The following CPNE9 variants were observed in gnomAD, a reference collection of about 807,000 sequenced individuals.
CPNE9 encodes the protein copine family member 9.
Under a neutral mutation model 83.0 loss-of-function variants are expected in CPNE9, and 59 were observed. The ratio of observed to expected loss-of-function variants is 0.71; its 90% confidence interval spans 0.58 to 0.88. CPNE9 has a LOEUF of 0.88. CPNE9 is among the 40% of genes least tolerant of loss of function. The pLI is 0.00. For synonymous variants in CPNE9, 256 were observed against 273.4 expected (o/e 0.94, Z 0.63); for missense variants, 619 against 720.8 (o/e 0.86, Z 1.62).
chr3:9,706,075 A>G lies in CPNE9; in HGVS notation c.377+12A>G, dbSNP rs201960457. 2.7e-5 allele frequency: 43 copies of G among 1,612,476 alleles called. No homozygotes were observed. The African/African-American group carries it at 5.3e-4, about 20-fold the overall frequency. On this transcript the variant is annotated intron_variant, in intron 7 of 20. Coordinates refer to ENST00000383832, the MANE Select transcript of CPNE9 (RefSeq NM_153635.3). The stretch of plus-strand genomic sequence containing the variant: ...GAGCGAACCCTCACGTAAGCTGAAT[A>G]GGAAGGGGTGTGGGAGTGGGGTGGG...
At chr3:9,705,870 C>T (rs878982625) in intron 6 of CPNE9, 117 bp from the exon 7 acceptor site, 2 of 1,364,508 alleles carry the variant, frequency 1.5e-6, no homozygotes, top group Non-Finnish European at 2.1e-6. Flanking sequence ...GGCCGTGGCT[C>T]TTGCACCACT....
At position 9,706,070 on chromosome 3, in the gene CPNE9, T is replaced by G; in HGVS notation, c.377+7T>G. 4 of 1,612,932 alleles carry G rather than the reference T, an allele frequency of 2.5e-6. No homozygotes were observed. Among genetic ancestry groups the G allele is most frequent in the Non-Finnish European group, 3.4e-6 (4 of 1,179,806 alleles). Reference sequence around the variant, plus strand: ...GAGTAGAGCGAACCCTCACGTAAGCTGAATAGGAAGGGGTGTGGGAGTGGG... The same window carrying G: ...GAGTAGAGCGAACCCTCACGTAAGCGGAATAGGAAGGGGTGTGGGAGTGGG... On this transcript the variant is annotated splice_region_variant and intron_variant, in intron 7 of 20. Transcript: ENST00000383832.
chr3:9,704,844 C>A lies in CPNE9; in HGVS notation c.157-47C>A. 6.2e-7 allele frequency: 1 copy of A among 1,603,152 alleles called. No individual in the cohort carries two copies. Among genetic ancestry groups the A allele is most frequent in the Non-Finnish European group, 8.5e-7 (1 of 1,173,686 alleles). Reference sequence around the variant, plus strand: ...GCCCAGGGCGTCGCCCGGGAATTCCCCTGCCCGTCTGCACGTCCCACGCTG... The same window carrying A: ...GCCCAGGGCGTCGCCCGGGAATTCCACTGCCCGTCTGCACGTCCCACGCTG... On this transcript the variant is annotated intron_variant, in intron 3 of 20. Transcript: ENST00000383832. This position sits in a 1 kb window ranked among gnomAD's most constrained non-coding sequence, Gnocchi z 7.1.
chr3:9,721,805 G>A (rs2076736338), intron 17 of CPNE9, among the ~76,000 whole-genome samples: 1 of 152,190 alleles, frequency 6.6e-6, no homozygotes, highest in South Asian at 2.1e-4. Context: ...TCCAGCTTCA[G>A]GCTCAGCTGG....
intron 6 of CPNE9, 60 bp from the exon 7 acceptor site, chr3:9,705,927 G>T: frequency 1.3e-6 from 2 of 1,564,650 alleles, no homozygotes; most frequent in East Asian, 2.2e-5. Context: ...CATCACTGGG[G>T]CTAGGCTGGG....
Position 9,704,551 on chromosome 3 carries a change from G to T in CPNE9, c.69-36G>T. Reference sequence around the variant, plus strand: ...CCGACTCGAGGCGGGCGGACTCCAGGATGATCCACTCTGTCTGTCTGTTGC... The same window carrying T: ...CCGACTCGAGGCGGGCGGACTCCAGTATGATCCACTCTGTCTGTCTGTTGC... On this transcript the variant is annotated intron_variant, in intron 1 of 20. Transcript: ENST00000383832. The surrounding 1 kb of genome is among the most constrained non-coding windows in gnomAD (Gnocchi z 7.1). 2 of 1,594,006 alleles carry T rather than the reference G, an allele frequency of 1.3e-6. No individual in the cohort carries two copies. Among genetic ancestry groups the T allele is most frequent in the Non-Finnish European group, 1.7e-6 (2 of 1,161,728 alleles).
chr3:9,714,639 TAAAAAAAAAAAAAA>T (rs34491669), intron 10 of CPNE9, among the ~76,000 whole-genome samples: 6 of 103,350 alleles, frequency 5.8e-5, no homozygotes, highest in Non-Finnish European at 1.0e-4. Context: ...CTCAAAGTGG[TAAAAAAAAAAAAAA>T]AAAAAAAAAA....
Position 9,718,523 on chromosome 3 carries a change from G to A in CPNE9, c.1162G>A (p.Glu388Lys), listed in dbSNP as rs1575127692. Reference protein sequence around the residue: ...PNCAGIEGVLESYFQSLRTVQ... With the variant: ...PNCAGIEGVLKSYFQSLRTVQ... ...CTGTGCGGGCATCGAGGGTGTGCTG[G>A]AGAGCTATTTCCAGAGCCTGCGCAC... The change falls in exon 17 of 21, where the codon GAG (glutamate) becomes AAG (lysine). Residue 388 changes from glutamate (E) to lysine (K), a missense_variant. By Grantham distance (56) the Glu-to-Lys change is moderately conservative. Transcript: ENST00000383832. 6.2e-7 allele frequency: 1 copy of A among 1,613,692 alleles called. No individual in the cohort carries two copies. Among genetic ancestry groups the A allele is most frequent in the Non-Finnish European group, 8.5e-7 (1 of 1,179,980 alleles).
At chr3:9,725,640 G>GTATATA (rs2076772926) in intron 17 of CPNE9, among the ~76,000 whole-genome samples, 10 of 49,392 alleles carry the variant, frequency 2.0e-4, no homozygotes, top group Admixed American at 4.8e-4. Flanking sequence ...GTATATACAT[G>GTATATA]TATGTGTATA....
intron 4 of CPNE9, 150 bp downstream of exon 4, chr3:9,705,144 GC>G: frequency 1.5e-6 from 1 of 678,820 alleles, no homozygotes. Flanking sequence ...CCTGAGCCCT[GC>G]CCTTTTATGA....
chr3:9,717,201 ACCTAC>A (rs771133070), intron 15 of CPNE9, 97 bp downstream of exon 15: 4 of 1,359,192 alleles, frequency 2.9e-6, no homozygotes, highest in Non-Finnish European at 4.2e-6. Flanking sequence ...ATAAGAGTTT[ACCTAC>A]CCAAGAAGCC....
intron 7 of CPNE9, among the ~76,000 whole-genome samples, chr3:9,709,693 C>T (rs138307089): frequency 5.3e-5 from 8 of 151,896 alleles, no homozygotes; most frequent in African/African-American, 1.7e-4. Flanking sequence ...TAACATAAGG[C>T]TGGGTGAGGT....
chr3:9,718,630 A>C, intron 17 of CPNE9, 28 bp downstream of exon 17: 1 of 1,607,204 alleles, frequency 6.2e-7, no homozygotes, highest in Non-Finnish European at 8.5e-7. Flanking sequence ...AAGCTGGGGG[A>C]AATGAGGGGA....
chr3:9,726,860 C>T (rs1028529039), intron 19 of CPNE9, 138 bp downstream of exon 19: 1 of 824,792 alleles, frequency 1.2e-6, no homozygotes, highest in African/African-American at 1.7e-5. Flanking sequence ...CACAGACCTT[C>T]TCTGAACCTG....
At chr3:9,721,523 G>T (rs1310246588) in intron 17 of CPNE9, among the ~76,000 whole-genome samples, 1 of 152,182 alleles carries the variant, frequency 6.6e-6, no homozygotes, top group Non-Finnish European at 1.5e-5. Context: ...AGCCCATCTT[G>T]GTGGGTGGAG....
In CPNE9 at chr3:9,704,281, G is replaced by T. The variant is rs2076536948; in HGVS notation, c.68+217G>T. ...AAGGGCTCAGCCTGCGGGTTCAGGG[G>T]GTGGGTCGCAGATATCCGGTAGGAG... is the stretch of plus-strand genomic sequence containing the variant. On this transcript the variant is annotated intron_variant, in intron 1 of 20. Coordinates refer to ENST00000383832, the MANE Select transcript of CPNE9 (RefSeq NM_153635.3). The surrounding 1 kb of genome is among the most constrained non-coding windows in gnomAD (Gnocchi z 7.1). 6.6e-6 allele frequency among the ~76,000 whole-genome samples: 1 copy of T among 152,230 alleles called. No individual in the cohort carries two copies. Among genetic ancestry groups the T allele is most frequent in the Non-Finnish European group, 1.5e-5 (1 of 68,040 alleles).
chr3:9,728,757 C>G lies in CPNE9; in HGVS notation c.1477-750C>G, dbSNP rs138590438. 7.9e-5 allele frequency among the ~76,000 whole-genome samples: 12 copies of G among 151,862 alleles called. No individual in the cohort carries two copies. In the East Asian group the frequency reaches 2.3e-3, roughly 29 times the overall value. On this transcript the variant is annotated intron_variant, in intron 20 of 20. Transcript: ENST00000383832. ...TTTCTCCCTTATCAGCCCCTCTCCC[C>G]CCACATCTCATTTCTTCTCCTCTCC...
intron 20 of CPNE9, among the ~76,000 whole-genome samples, chr3:9,728,525 A>G (rs1255686139): frequency 2.0e-5 from 3 of 152,192 alleles, no homozygotes; most frequent in African/African-American, 7.2e-5. Context: ...TGGGAGGCTG[A>G]GGCAGGAGAA....
At chr3:9,712,903 CTG>C (rs1456572308) in intron 9 of CPNE9, 70 bp from the exon 10 acceptor site, 1 of 1,567,370 alleles carries the variant, frequency 6.4e-7, no homozygotes, top group Non-Finnish European at 8.8e-7. Flanking sequence ...TCAGGAATCT[CTG>C]AGAGCATCTG....
Sources: allele counts gnomAD v4.1 joint callset (sites outside exome capture counted in the v4.1 genomes callset), GRCh38; gene constraint gnomAD v4.1.1; non-coding constraint Gnocchi (gnomAD v3.1); transcripts MANE v1.5; gene names NCBI Gene and HGNC (gene_info 2026-07-23, HGNC 2026-07-21).